IL1RAPL1: variants seen among roughly 807,000 people sequenced by gnomAD.
IL1RAPL1 encodes the protein interleukin-1 receptor accessory protein-like 1.
A neutral mutation model predicts 48.4 loss-of-function variants in IL1RAPL1; 3 were observed. That is an observed-to-expected ratio of 0.06 (90% CI 0.03 to 0.16). IL1RAPL1 has a LOEUF of 0.16. IL1RAPL1 is among the 10% of genes least tolerant of loss of function. IL1RAPL1 has a pLI of 1.00. For missense variants in IL1RAPL1, 349 were observed against 530.6 expected (o/e 0.66, Z 3.36); for synonymous variants, 185 against 187.7 (o/e 0.99, Z 0.12).
At chrX:29,235,501 T>TA (rs1048344945) in intron 2 of IL1RAPL1, among the ~76,000 whole-genome samples, 2 of 110,577 alleles carry the variant, frequency 1.8e-5, no homozygotes, top group African/African-American at 3.3e-5. Context: ...ATTCATTCTT[T>TA]AAAAAAAAGG....
intron 1 of IL1RAPL1, among the ~76,000 whole-genome samples, chrX:28,769,841 A>G (rs778921841): frequency 3.6e-5 from 4 of 111,901 alleles, no homozygotes; most frequent in Middle Eastern, 4.6e-3. Flanking sequence ...GAATATTACC[A>G]GATTATATAA....
chrX:29,185,678 A>G (rs1243920656), intron 2 of IL1RAPL1, among the ~76,000 whole-genome samples: 1 of 112,027 alleles, frequency 8.9e-6, no homozygotes, highest in Non-Finnish European at 1.9e-5. Flanking sequence ...TAAACTACAA[A>G]CCTGGATGTC....
At chrX:29,454,678 A>G (rs1436313048) in intron 5 of IL1RAPL1, among the ~76,000 whole-genome samples, 2 of 111,725 alleles carry the variant, frequency 1.8e-5, no homozygotes, top group East Asian at 5.6e-4. Context: ...AATGAAGTAG[A>G]AAAATTGTTC....
At chrX:29,637,275 A>G (rs1925000131) in intron 5 of IL1RAPL1, among the ~76,000 whole-genome samples, 2 of 91,747 alleles carry the variant, frequency 2.2e-5, no homozygotes, top group Non-Finnish European at 4.4e-5. Context: ...TATGTTATAT[A>G]TATAACATAT....
intron 5 of IL1RAPL1, among the ~76,000 whole-genome samples, chrX:29,543,651 T>G (rs1342914401): frequency 9.0e-6 from 1 of 111,146 alleles, no homozygotes; most frequent in East Asian, 2.8e-4. Context: ...AATTCTCTTA[T>G]CTCTAAAATG....
chrX:28,956,961 A>G (rs1449579946), intron 2 of IL1RAPL1, among the ~76,000 whole-genome samples: 2 of 110,668 alleles, frequency 1.8e-5, no homozygotes, highest in African/African-American at 6.6e-5. Flanking sequence ...GTCTATTCAG[A>G]GATTCAACTT....
At chrX:29,516,841 T>G (rs888499622) in intron 5 of IL1RAPL1, among the ~76,000 whole-genome samples, 5 of 111,282 alleles carry the variant, frequency 4.5e-5, no homozygotes, top group Non-Finnish European at 7.6e-5. Flanking sequence ...TTAAAGTATA[T>G]TAGGTAATAC....
At chrX:28,741,636 T>C (rs539332628) in intron 1 of IL1RAPL1, among the ~76,000 whole-genome samples, 16 of 111,734 alleles carry the variant, frequency 1.4e-4, no homozygotes, top group Middle Eastern at 4.7e-3. Flanking sequence ...TTGTTGAATG[T>C]GAGAAAGCAA....
At chrX:28,965,880 A>G (rs113279311) in intron 2 of IL1RAPL1, among the ~76,000 whole-genome samples, 1,203 of 111,750 alleles carry the variant, frequency 0.011, 16 homozygotes, top group African/African-American at 0.036. Flanking sequence ...TTTCAGGACA[A>G]TTTATTGATT....
chrX:29,611,589 T>A (rs1051187715), intron 5 of IL1RAPL1, among the ~76,000 whole-genome samples: 1 of 111,699 alleles, frequency 9.0e-6, no homozygotes, highest in African/African-American at 3.3e-5. Context: ...CCATGGTCAC[T>A]CTTATTTGGC....
intron 2 of IL1RAPL1, among the ~76,000 whole-genome samples, chrX:28,997,039 A>G (rs191773662): frequency 9.0e-6 from 1 of 111,468 alleles, no homozygotes; most frequent in African/African-American, 3.3e-5. Flanking sequence ...TCCAGGGATC[A>G]TGGACTTACC....
chrX:29,050,461 C>T (rs930981473), intron 2 of IL1RAPL1, among the ~76,000 whole-genome samples: 7 of 111,713 alleles, frequency 6.3e-5, no homozygotes, highest in Admixed American at 4.8e-4. Flanking sequence ...AGCTCATAAT[C>T]ACTATGTTAT....
At chrX:29,709,320 T>C (rs759382365) in intron 6 of IL1RAPL1, among the ~76,000 whole-genome samples, 1 of 112,011 alleles carries the variant, frequency 8.9e-6, no homozygotes, top group East Asian at 2.8e-4. Flanking sequence ...GTTATGTATA[T>C]GGTGTGACAT....
At chrX:29,457,999 C>T (rs1302188637) in intron 5 of IL1RAPL1, among the ~76,000 whole-genome samples, 1 of 111,854 alleles carries the variant, frequency 8.9e-6, no homozygotes, top group South Asian at 3.7e-4. Context: ...CCTTTGATCT[C>T]GAACTCCTAA....
Position 29,955,184 on chromosome X carries a change from G to A in IL1RAPL1, c.1455G>A (p.Arg485=). The A allele has an allele frequency of 8.3e-7, 1 of 1,211,203 alleles. No homozygotes were observed. Among genetic ancestry groups the A allele is most frequent in the Non-Finnish European group, 1.1e-6 (1 of 895,209 alleles). Residue 485 remains arginine (R), a synonymous_variant, in exon 11 of 11, where the codon AGG becomes AGA. Coordinates refer to ENST00000378993, the MANE Select transcript of IL1RAPL1 (RefSeq NM_014271.4). ...TGACCCCAAATTACGTAGTTAGAAG[G>A]GGCTGGAGCATCTTTGAGCTGGAAA... ...IVMTPNYVVR[R]GWSIFELETR...
At chrX:29,587,848 T>C (rs1372732154) in intron 5 of IL1RAPL1, among the ~76,000 whole-genome samples, 1 of 112,173 alleles carries the variant, frequency 8.9e-6, no homozygotes, top group Non-Finnish European at 1.9e-5. Flanking sequence ...AGTAGTGCTT[T>C]TGTGTCCTGC....
At chrX:29,365,957 C>A (rs2147662650) in intron 3 of IL1RAPL1, among the ~76,000 whole-genome samples, 1 of 105,213 alleles carries the variant, frequency 9.5e-6, no homozygotes, top group African/African-American at 3.5e-5. Flanking sequence ...AGGAGAATTG[C>A]TTAAACCCGG....
intron 5 of IL1RAPL1, among the ~76,000 whole-genome samples, chrX:29,421,545 C>T (rs1934290773): frequency 9.6e-6 from 1 of 103,754 alleles, no homozygotes; most frequent in Non-Finnish European, 2.0e-5. Context: ...AAGAGAGTAA[C>T]AGAAAAAAAA....
chrX:29,204,989 G>A (rs1362762775), intron 2 of IL1RAPL1, among the ~76,000 whole-genome samples: 6 of 112,078 alleles, frequency 5.4e-5, no homozygotes, highest in Non-Finnish European at 9.4e-5. Flanking sequence ...AAATTTTTTG[G>A]TAGCATTGAA....
Sources: gnomAD v4.1 joint callset for allele counts (sites outside exome capture counted in the v4.1 genomes callset) on GRCh38, gnomAD v4.1.1 for gene constraint, MANE v1.5 for transcripts, NCBI Gene and HGNC (gene_info 2026-07-23, HGNC 2026-07-21) for gene names.